The following EYA2 variants were observed in gnomAD, a reference collection of about 807,000 sequenced individuals.
The protein encoded by EYA2 is EYA transcriptional coactivator and phosphatase 2.
EYA2 carries 31 observed loss-of-function variants against 69.2 expected under a neutral mutation model. That is an observed-to-expected ratio of 0.45 (90% CI 0.34 to 0.60). The LOEUF is 0.60. EYA2 is among the 20% of genes least tolerant of loss of function. The probability of loss-of-function intolerance (pLI) is 0.02; values close to 1 mark genes in which losing one functional copy is unlikely to be tolerated. For synonymous variants in EYA2, 257 were observed against 279.4 expected (o/e 0.92, Z 0.80); for missense variants, 622 against 701.2 (o/e 0.89, Z 1.28).
At chr20:47,059,457 TCTC>T (rs1395320043) in intron 5 of EYA2, among the ~76,000 whole-genome samples, 1 of 152,108 alleles carries the variant, frequency 6.6e-6, no homozygotes, top group African/African-American at 2.4e-5. Context: ...TGGGTTCAAT[TCTC>T]CTGCCTCAGC....
rs144880411 is a variant in EYA2, at chr20:47,155,585, C to T, written c.978+12437C>T. 1.1e-3 allele frequency among the ~76,000 whole-genome samples: 172 copies of T among 151,992 alleles called. 3 individuals carry two copies. Among genetic ancestry groups the T allele is most frequent in the Non-Finnish European group, 2.9e-4 (20 of 67,998 alleles). ...TGAGGCACAGAGCGGTTCACTTGTG[C>T]GACAGCTGACGCATATCAAGCTCTT... On this transcript the variant is annotated intron_variant, in intron 10 of 15. Coordinates refer to ENST00000327619, the MANE Select transcript of EYA2 (RefSeq NM_005244.5).
At chr20:47,039,754 A>T (rs1177189767) in intron 5 of EYA2, among the ~76,000 whole-genome samples, 1 of 150,326 alleles carries the variant, frequency 6.7e-6, no homozygotes, top group Admixed American at 6.7e-5. Flanking sequence ...TTTTGCTGTT[A>T]ACTGTGTGAC....
At chr20:47,104,249 A>T (rs1197977205) in intron 9 of EYA2, among the ~76,000 whole-genome samples, 1 of 152,196 alleles carries the variant, frequency 6.6e-6, no homozygotes, top group Non-Finnish European at 1.5e-5. Context: ...TCTTTGGAAA[A>T]ATATTTATTC....
intron 9 of EYA2, among the ~76,000 whole-genome samples, chr20:47,114,881 G>T (rs915458499): frequency 3.3e-5 from 5 of 152,162 alleles, no homozygotes; most frequent in Admixed American, 6.5e-5. Context: ...TCCTGCTTTT[G>T]CCAGGTGAAG....
At chr20:46,947,890 G>C (rs766640266) in intron 1 of EYA2, among the ~76,000 whole-genome samples, 23 of 152,158 alleles carry the variant, frequency 1.5e-4, no homozygotes, top group Non-Finnish European at 2.8e-4. Flanking sequence ...GCCAAGGTGG[G>C]AGGATCTCTT....
At chr20:47,141,814 C>T (rs916579020) in intron 9 of EYA2, among the ~76,000 whole-genome samples, 40 of 152,266 alleles carry the variant, frequency 2.6e-4, no homozygotes, top group African/African-American at 9.1e-4. Flanking sequence ...TAACTTTTGC[C>T]CACATATCAC....
At chr20:47,042,351 G>T (rs1310346935) in intron 5 of EYA2, among the ~76,000 whole-genome samples, 1 of 152,122 alleles carries the variant, frequency 6.6e-6, no homozygotes, top group African/African-American at 2.4e-5. Context: ...CTATTAGATC[G>T]ATTAAAAGAA....
intron 5 of EYA2, among the ~76,000 whole-genome samples, chr20:47,027,979 T>TA (rs1297721482): frequency 5.3e-5 from 8 of 152,240 alleles, no homozygotes; most frequent in African/African-American, 1.9e-4. Flanking sequence ...TTGAAGCTGT[T>TA]ACCTCCAATG....
chr20:47,186,420 CATG>C (rs1444067374), intron 15 of EYA2, among the ~76,000 whole-genome samples: 1 of 133,066 alleles, frequency 7.5e-6, no homozygotes, highest in Non-Finnish European at 1.5e-5. Flanking sequence ...AGTGCAGTGG[CATG>C]ATCTCAACTC....
At chr20:46,946,962 T>A (rs1978496412) in intron 1 of EYA2, among the ~76,000 whole-genome samples, 1 of 152,236 alleles carries the variant, frequency 6.6e-6, no homozygotes, top group African/African-American at 2.4e-5. Context: ...TTGCCTGTTT[T>A]GTAAATAAAG....
chr20:47,000,979 T>G (rs1982330428), intron 2 of EYA2, among the ~76,000 whole-genome samples: 1 of 152,058 alleles, frequency 6.6e-6, no homozygotes. Context: ...ATTCTGGGGT[T>G]CTTGGGGATT....
At position 47,105,394 on chromosome 20, in the gene EYA2, G is replaced by A. The variant is rs934352627; in HGVS notation, c.888+8226G>A. 2.0e-5 allele frequency among the ~76,000 whole-genome samples: 3 copies of A among 152,152 alleles called. No individual in the cohort carries two copies. In the East Asian group the frequency reaches 5.8e-4, roughly 29 times the overall value. The stretch of plus-strand genomic sequence containing the variant: ...AATCCCAGCACTTTGGGAAGCTGAG[G>A]CAGGCAGATCACTTGAGGCCAGGAG... On this transcript the variant is annotated intron_variant, in intron 9 of 15. Coordinates refer to ENST00000327619, the MANE Select transcript of EYA2 (RefSeq NM_005244.5).
rs1015110629 is a variant in EYA2 at position 46,906,851 on chromosome 20, C to T, written c.-11+11864C>T. ...AAACTCTTTGACCCTCACTTACTTGCACAATGAATTAATTAAGGACAGGCA... is the reference window on the plus strand; with the variant it reads ...AAACTCTTTGACCCTCACTTACTTGTACAATGAATTAATTAAGGACAGGCA... On this transcript the variant is annotated intron_variant, in intron 1 of 15. Coordinates refer to ENST00000327619, the MANE Select transcript of EYA2 (RefSeq NM_005244.5). Among the ~76,000 whole-genome samples, 6 of 152,280 alleles carry T rather than the reference C, an allele frequency of 3.9e-5. No homozygotes were observed. The East Asian group carries it at 5.8e-4, about 15-fold the overall frequency.
At position 46,987,937 on chromosome 20, in the gene EYA2, T is replaced by A. The variant is rs1361119956; in HGVS notation, c.-10-2064T>A. 6.0e-3 allele frequency among the ~76,000 whole-genome samples: 223 copies of A among 37,348 alleles called. 27 individuals carry two copies. The highest frequency in any genetic ancestry group is 0.025 in the African/African-American group (214 of 8,454). 24.5% of individuals were successfully genotyped at this position (37,348 alleles called of 152,430 possible). On this transcript the variant is annotated intron_variant, in intron 1 of 15. Coordinates refer to ENST00000327619, the MANE Select transcript of EYA2 (RefSeq NM_005244.5). ...GTAAGTCTCTCTCTCTCTCTCTCTC[T>A]CTCTCTCTCTCTCTCTCTCTCTCTC...
intron 5 of EYA2, among the ~76,000 whole-genome samples, chr20:47,050,395 G>A (rs1600670105): frequency 6.6e-6 from 1 of 152,192 alleles, no homozygotes; most frequent in East Asian, 1.9e-4. Flanking sequence ...CTCAGTAACA[G>A]TGAATAACCT....
chr20:47,180,055 T>C lies in EYA2; in HGVS notation c.1313+143T>C, dbSNP rs34247512. 6.4e-3 allele frequency: 3,996 copies of C among 623,086 alleles called. 17 individuals are homozygous for C. The highest frequency in any genetic ancestry group is 8.4e-3 in the Non-Finnish European group (3,008 of 356,560). 38.6% of individuals were successfully genotyped at this position (623,086 alleles called of 1,614,324 possible). A position where few individuals can be genotyped will look rare whatever the true frequency, so the allele number is the denominator to read the frequency against. On this transcript the variant is annotated intron_variant, in intron 13 of 15. Coordinates refer to ENST00000327619, the MANE Select transcript of EYA2 (RefSeq NM_005244.5). ...TTCCAAATATTTTTTTTTTTTGATA[T>C]GGAGTCTCACTCTGTCGCCCAGGCT...
chr20:47,169,758 A>G (rs534774509), intron 11 of EYA2, among the ~76,000 whole-genome samples: 6 of 152,138 alleles, frequency 3.9e-5, no homozygotes, highest in Admixed American at 1.3e-4. Flanking sequence ...CTCTCCTCCA[A>G]TCAAGGGTCC....
chr20:47,063,141 T>G (rs6094576), intron 5 of EYA2, among the ~76,000 whole-genome samples: 1 of 152,192 alleles, frequency 6.6e-6, no homozygotes, highest in Non-Finnish European at 1.5e-5. Flanking sequence ...CACAGTGTTA[T>G]GCAGTCACCA....
At chr20:46,968,389 C>T (rs765043851) in intron 1 of EYA2, among the ~76,000 whole-genome samples, 3 of 152,236 alleles carry the variant, frequency 2.0e-5, no homozygotes, top group South Asian at 4.1e-4. Context: ...CTTTGTCTCA[C>T]GTCATCCTCA....
Sources: allele counts gnomAD v4.1 joint callset (sites outside exome capture counted in the v4.1 genomes callset), GRCh38; gene constraint gnomAD v4.1.1; transcripts MANE v1.5; gene names NCBI Gene and HGNC (gene_info 2026-07-23, HGNC 2026-07-21).